The following GABRB3 variants were observed in gnomAD, a reference collection of about 807,000 sequenced individuals.
GABRB3 encodes gamma-aminobutyric acid type A receptor subunit beta3.
GABRB3 carries 14 observed loss-of-function variants against 52.1 expected under a neutral mutation model. The observed-to-expected ratio is 0.27, with a 90% CI of 0.18 to 0.42. The LOEUF is 0.42. GABRB3 is among the 10% of genes least tolerant of loss of function. GABRB3 has a pLI of 1.00. For missense variants in GABRB3, 307 were observed against 609.1 expected (o/e 0.50, Z 5.22); for synonymous variants, 260 against 232.3 (o/e 1.12, Z -1.08).
At chr15:26,665,956 G>A (rs959685314) in intron 3 of GABRB3, among the ~76,000 whole-genome samples, 14 of 152,096 alleles carry the variant, frequency 9.2e-5, no homozygotes, top group African/African-American at 3.4e-4. Context: ...GAGACAAGTA[G>A]GTTTACAAGT....
intron 3 of GABRB3, among the ~76,000 whole-genome samples, chr15:26,679,580 A>G (rs370376882): frequency 2.0e-5 from 3 of 152,130 alleles, no homozygotes; most frequent in South Asian, 2.1e-4. Flanking sequence ...GATGATCACA[A>G]TATCTTAAGT....
chr15:26,752,880 C>T (rs895589626), intron 3 of GABRB3, among the ~76,000 whole-genome samples: 8 of 152,180 alleles, frequency 5.3e-5, no homozygotes, highest in African/African-American at 1.7e-4. Flanking sequence ...CCCCACTGCA[C>T]TCTTTCTCTG....
At chr15:26,719,197 C>T (rs529788595) in intron 3 of GABRB3, among the ~76,000 whole-genome samples, 2 of 152,354 alleles carry the variant, frequency 1.3e-5, no homozygotes, top group East Asian at 1.9e-4. Context: ...TTTGGCATAG[C>T]GCTAGGCACA....
chr15:26,717,172 TGGG>T (rs1889512013), intron 3 of GABRB3, among the ~76,000 whole-genome samples: 1 of 149,616 alleles, frequency 6.7e-6, no homozygotes, highest in Non-Finnish European at 1.5e-5. Context: ...AGCCCAGCTC[TGGG>T]GACCTCCACC....
chr15:26,700,349 A>T (rs1233751019), intron 3 of GABRB3, among the ~76,000 whole-genome samples: 2 of 152,220 alleles, frequency 1.3e-5, no homozygotes, highest in Non-Finnish European at 2.9e-5. Flanking sequence ...TTTAGATAAA[A>T]ACCTTCCCAC....
chr15:26,675,501 T>C (rs571315264), intron 3 of GABRB3, among the ~76,000 whole-genome samples: 4 of 152,236 alleles, frequency 2.6e-5, no homozygotes, highest in African/African-American at 7.2e-5. Context: ...GTGTTAAAAA[T>C]GACTCATGAC....
At chr15:26,757,079 A>G (rs1566831454) in intron 3 of GABRB3, among the ~76,000 whole-genome samples, 2 of 152,214 alleles carry the variant, frequency 1.3e-5, no homozygotes, top group Admixed American at 6.5e-5. Flanking sequence ...CAACTGGTAT[A>G]TATCTACCTT....
chr15:26,689,907 T>C lies in GABRB3; in HGVS notation c.241-68373A>G, dbSNP rs143600156. On this transcript the variant is annotated intron_variant, in intron 3 of 8. Coordinates refer to ENST00000311550, the MANE Select transcript of GABRB3 (RefSeq NM_000814.6). ...GCCTGATCTCCCCTCCTGCCATGGC[T>C]AGGAAAGTTTTCAAGATTGCTCTAG... 6.6e-5 allele frequency among the ~76,000 whole-genome samples: 10 copies of C among 152,188 alleles called. No homozygotes were observed. In the East Asian group the frequency reaches 1.9e-3, roughly 29 times the overall value.
intron 3 of GABRB3, among the ~76,000 whole-genome samples, chr15:26,746,613 C>G (rs1170315912): frequency 1.4e-5 from 2 of 138,514 alleles, no homozygotes; most frequent in Non-Finnish European, 3.1e-5. Flanking sequence ...TTGTGTAAGT[C>G]TGAGGTTTAG....
intron 4 of GABRB3, chr15:26,615,760 A>C: frequency 8.8e-7 from 1 of 1,132,562 alleles, no homozygotes; most frequent in South Asian, 2.1e-5. Context: ...TAGAGGAGCT[A>C]AGTGGCGACT....
intron 3 of GABRB3, among the ~76,000 whole-genome samples, chr15:26,754,766 A>G (rs942666602): frequency 6.6e-6 from 1 of 152,144 alleles, no homozygotes; most frequent in Non-Finnish European, 1.5e-5. Context: ...CAACGACACA[A>G]AGGAGGACCC....
chr15:26,611,877 T>A (rs1230530840), intron 4 of GABRB3: 1 of 152,232 alleles, frequency 6.6e-6, no homozygotes, highest in Non-Finnish European at 1.5e-5. Context: ...TGACAATTCC[T>A]TTTTAATAGA....
intron 3 of GABRB3, among the ~76,000 whole-genome samples, chr15:26,719,186 A>G (rs1889579824): frequency 6.6e-6 from 1 of 152,258 alleles, no homozygotes; most frequent in Non-Finnish European, 1.5e-5. Context: ...CATGCGAAGC[A>G]TTTGGCATAG....
At chr15:26,601,073 C>T (rs915065052) in intron 4 of GABRB3, among the ~76,000 whole-genome samples, 7 of 152,090 alleles carry the variant, frequency 4.6e-5, no homozygotes, top group African/African-American at 7.2e-5. Context: ...AGATGTTCTA[C>T]GTAAGGCTCA....
intron 3 of GABRB3, among the ~76,000 whole-genome samples, chr15:26,727,246 C>T (rs994482149): frequency 7.2e-5 from 11 of 152,282 alleles, no homozygotes; most frequent in African/African-American, 1.4e-4. Flanking sequence ...TGTCGAATGA[C>T]GACTGTCTAA....
intron 3 of GABRB3, chr15:26,657,413 ACT>A (rs1224092315): frequency 6.6e-6 from 1 of 152,200 alleles, no homozygotes; most frequent in Non-Finnish European, 1.5e-5. Flanking sequence ...ACACATGAAT[ACT>A]CACTTGCCCT....
chr15:26,733,460 A>G (rs1337161913), intron 3 of GABRB3, among the ~76,000 whole-genome samples: 1 of 152,206 alleles, frequency 6.6e-6, no homozygotes, highest in Admixed American at 6.5e-5. Flanking sequence ...GAGGTGAAAG[A>G]CATGTACAAT....
chr15:26,575,220 G>A (rs1204319725), intron 6 of GABRB3, among the ~76,000 whole-genome samples: 1 of 152,192 alleles, frequency 6.6e-6, no homozygotes, highest in Non-Finnish European at 1.5e-5. Flanking sequence ...TCTGTAATGA[G>A]ACATGTTTCA....
chr15:26,707,593 A>G (rs920808409), intron 3 of GABRB3, among the ~76,000 whole-genome samples: 1 of 152,218 alleles, frequency 6.6e-6, no homozygotes, highest in Non-Finnish European at 1.5e-5. Context: ...ATTATTGGCA[A>G]TGGTGCATTT....
Sources: gnomAD v4.1 joint callset for allele counts (sites outside exome capture counted in the v4.1 genomes callset) on GRCh38, gnomAD v4.1.1 for gene constraint, MANE v1.5 for transcripts, NCBI Gene and HGNC (gene_info 2026-07-23, HGNC 2026-07-21) for gene names.